SLCO1A2: variants seen among roughly 807,000 people sequenced by gnomAD.
The protein encoded by SLCO1A2 is solute carrier organic anion transporter family member 1A2.
SLCO1A2 carries 67 observed loss-of-function variants against 69.0 expected under a neutral mutation model. The observed-to-expected ratio is 0.97, with a 90% confidence interval of 0.80 to 1.19. SLCO1A2 has a LOEUF of 1.19. Ranked by LOEUF, SLCO1A2 falls within the 50% of genes most tolerant of loss-of-function variation. The pLI, the probability that SLCO1A2 is intolerant of heterozygous loss-of-function variation, is 0.00. For missense variants in SLCO1A2, 787 were observed against 793.7 expected (o/e 0.99, Z 0.10); for synonymous variants, 260 against 265.9 (o/e 0.98, Z 0.22).
upstream of SLCO1A2, among the ~76,000 whole-genome samples, chr12:21,395,967 TCTC>T (rs1429266545): frequency 6.7e-6 from 1 of 150,112 alleles, no homozygotes; most frequent in Non-Finnish European, 1.5e-5. Flanking sequence ...GCAGAGCGCC[TCTC>T]CTCCTCCAAA....
intron 2 of SLCO1A2, among the ~76,000 whole-genome samples, chr12:21,350,440 A>G (rs980643494): frequency 1.3e-5 from 2 of 152,184 alleles, no homozygotes; most frequent in African/African-American, 4.8e-5. Context: ...CATTATTAAT[A>G]TGGAAAAGTA....
chr12:21,332,522 G>T (rs1326750232), intron 2 of SLCO1A2, among the ~76,000 whole-genome samples: 1 of 152,010 alleles, frequency 6.6e-6, no homozygotes, highest in African/African-American at 2.4e-5. Flanking sequence ...GTATAAAGAG[G>T]CATGTCCAAC....
upstream of SLCO1A2, among the ~76,000 whole-genome samples, chr12:21,337,910 T>C (rs565354641): frequency 2.0e-5 from 3 of 152,102 alleles, no homozygotes; most frequent in African/African-American, 7.2e-5. Context: ...TAAAATGTTA[T>C]CCATACATGT....
At chr12:21,275,525 A>G (rs1207365635) in intron 12 of SLCO1A2, 101 bp from the exon 13 acceptor site, 2 of 1,199,754 alleles carry the variant, frequency 1.7e-6, no homozygotes, top group Middle Eastern at 3.1e-4. Context: ...CATAATGAAC[A>G]TTCAAAATTT....
chr12:21,375,148 T>C (rs2137100860), intron 1 of SLCO1A2, among the ~76,000 whole-genome samples: 1 of 152,316 alleles, frequency 6.6e-6, no homozygotes, highest in African/African-American at 2.4e-5. Flanking sequence ...TTGTTTATTA[T>C]GAGAGAAACT....
chr12:21,334,717 G>A lies in SLCO1A2; in HGVS notation c.-62-8C>T, dbSNP rs935331178. Reference sequence around the variant, plus strand: ...ATATGTCTTACTTCTACCCTTTCAAGCAAACAAAAAAATATGTTAAATTAA... The same window carrying A: ...ATATGTCTTACTTCTACCCTTTCAAACAAACAAAAAAATATGTTAAATTAA... On this transcript the variant is annotated splice_polypyrimidine_tract_variant and splice_region_variant and intron_variant, in intron 1 of 14. Transcript: ENST00000683939. 55 of 1,258,320 alleles carry A rather than the reference G, an allele frequency of 4.4e-5. No individual in the cohort carries two copies. The highest frequency in any genetic ancestry group is 6.1e-5 in the Non-Finnish European group (55 of 900,778). The allele number at this position is 1,258,320 out of a possible 1,614,324, so 77.9% of individuals were successfully genotyped here.
At chr12:21,417,190 T>A (rs190613141) in intron 1 of SLCO1A2, among the ~76,000 whole-genome samples, 1 of 152,074 alleles carries the variant, frequency 6.6e-6, no homozygotes, top group East Asian at 1.9e-4. Flanking sequence ...AGCAAGGCAA[T>A]TTTAATTACA....
rs1022153695 is a variant in SLCO1A2, at chr12:21,267,220, A to C, written c.*2328T>G. The C allele has an allele frequency of 2.6e-5, 4 of 152,014 alleles. No homozygotes were observed. Among genetic ancestry groups the C allele is most frequent in the Non-Finnish European group, 4.4e-5 (3 of 68,000 alleles). 9.4% of individuals were successfully genotyped at this position (152,014 alleles called of 1,614,324 possible). On this transcript the variant is annotated 3_prime_UTR_variant, in exon 15 of 15. Transcript: ENST00000683939. ...TTCAGAGTAAAATGCCATCTCCTCC[A>C]TGAGGGGATAAAAGTGATGCCAAGG...
At chr12:21,302,649 C>T (rs1445481560) in intron 6 of SLCO1A2, among the ~76,000 whole-genome samples, 3 of 151,992 alleles carry the variant, frequency 2.0e-5, no homozygotes, top group African/African-American at 4.8e-5. Context: ...ATCCACCTCC[C>T]GGGTTCAAGT....
intron 2 of SLCO1A2, among the ~76,000 whole-genome samples, chr12:21,364,241 A>T (rs1194243240): frequency 6.6e-6 from 1 of 152,228 alleles, no homozygotes; most frequent in African/African-American, 2.4e-5. Context: ...GGCTGGTTCA[A>T]CATATGCAAA....
At chr12:21,397,290 T>C (rs1413106588), upstream of SLCO1A2, among the ~76,000 whole-genome samples, 1 of 151,678 alleles carries the variant, frequency 6.6e-6, no homozygotes, top group East Asian at 1.9e-4. Context: ...CATTACATAA[T>C]GGTAAAGGGA....
chr12:21,394,567 AC>A (rs1941332054), intron 1 of SLCO1A2, among the ~76,000 whole-genome samples: 1 of 151,660 alleles, frequency 6.6e-6, no homozygotes, highest in African/African-American at 2.4e-5. Context: ...ACACACACAC[AC>A]ACACACACAC....
rs1231731635 is a variant in SLCO1A2, at chr12:21,264,763, T to C, written c.*4785A>G. 1 of 152,214 alleles carries C rather than the reference T, an allele frequency of 6.6e-6. No individual in the cohort carries two copies. The highest frequency in any genetic ancestry group is 6.5e-5 in the Admixed American group (1 of 15,278). 9.4% of individuals were successfully genotyped at this position (152,214 alleles called of 1,614,324 possible). On this transcript the variant is annotated 3_prime_UTR_variant, in exon 15 of 15. Coordinates refer to ENST00000683939, the MANE Select transcript of SLCO1A2 (RefSeq NM_001386879.1). ...GTTGCCCCTTCTGGATTTCATGACC[T>C]TTCTTAAGGGTAAGAAGACACTGCC... is the stretch of plus-strand genomic sequence containing the variant.
intron 2 of SLCO1A2, among the ~76,000 whole-genome samples, chr12:21,334,010 G>A (rs1952767441): frequency 6.6e-6 from 1 of 151,958 alleles, no homozygotes; most frequent in South Asian, 2.1e-4. Flanking sequence ...CAAATGTCCA[G>A]ATCCCTTGGT....
chr12:21,284,506 C>G (rs974277561), intron 12 of SLCO1A2, among the ~76,000 whole-genome samples: 2 of 151,634 alleles, frequency 1.3e-5, no homozygotes, highest in African/African-American at 2.4e-5. Flanking sequence ...CCAAGCGAAC[C>G]TAATAGACAT....
intron 13 of SLCO1A2, 196 bp from the exon 14 acceptor site, chr12:21,274,782 G>A (rs1174898146): frequency 1.5e-5 from 10 of 668,098 alleles, no homozygotes; most frequent in African/African-American, 9.0e-5. Context: ...GTAATCTTAT[G>A]GTCAAATGCA....
intron 12 of SLCO1A2, 98 bp from the exon 13 acceptor site, chr12:21,275,522 A>T (rs1254923947): frequency 5.8e-6 from 7 of 1,206,854 alleles, no homozygotes; most frequent in Non-Finnish European, 7.5e-6. Flanking sequence ...ACACATAATG[A>T]ACATTCAAAA....
chr12:21,318,267 C>CA (rs1565495435), intron 3 of SLCO1A2, among the ~76,000 whole-genome samples: 1 of 151,972 alleles, frequency 6.6e-6, no homozygotes, highest in African/African-American at 2.4e-5. Context: ...TACAGGCGCC[C>CA]GCCACCATAC....
At chr12:21,280,699 A>AAC (rs373404504) in intron 12 of SLCO1A2, among the ~76,000 whole-genome samples, 2 of 146,134 alleles carry the variant, frequency 1.4e-5, no homozygotes, top group African/African-American at 5.1e-5. Context: ...ATAAATAAAT[A>AAC]AACAAAGAAA....
Sources: gnomAD v4.1 joint callset for allele counts (sites outside exome capture counted in the v4.1 genomes callset) on GRCh38, gnomAD v4.1.1 for gene constraint, MANE v1.5 for transcripts, NCBI Gene and HGNC (gene_info 2026-07-23, HGNC 2026-07-21) for gene names.